KIAA0825: variants seen among roughly 807,000 people sequenced by gnomAD.
KIAA0825 encodes the protein uncharacterized protein KIAA0825.
A neutral mutation model predicts 147.6 loss-of-function variants in KIAA0825; 119 were observed. The ratio of observed to expected loss-of-function variants is 0.81; its 90% CI spans 0.69 to 0.94. The LOEUF is 0.94. KIAA0825 is among the 40% of genes least tolerant of loss of function. KIAA0825 has a pLI of 0.00. For missense variants in KIAA0825, 1,381 were observed against 1,472.7 expected, an observed-to-expected ratio of 0.94 and a Z score of 1.02; for synonymous variants, 470 against 518.1, an observed-to-expected ratio of 0.91 and a Z score of 1.26.
chr5:94,537,664 A>AC (rs201660624), intron 2 of KIAA0825, among the ~76,000 whole-genome samples: 1,795 of 151,496 alleles, frequency 0.012, 30 homozygotes, highest in African/African-American at 0.032. Flanking sequence ...AAAAAAAAAA[A>AC]AAAGAAAGCT....
chr5:94,509,565 G>A (rs561814446), intron 5 of KIAA0825, among the ~76,000 whole-genome samples: 2 of 152,228 alleles, frequency 1.3e-5, no homozygotes, highest in African/African-American at 4.8e-5. Flanking sequence ...TCCAAAACTT[G>A]CATATATTTA....
intron 3 of KIAA0825, among the ~76,000 whole-genome samples, chr5:94,533,010 GCT>G (rs1265160883): frequency 6.8e-6 from 1 of 146,244 alleles, no homozygotes; most frequent in African/African-American, 2.5e-5. Flanking sequence ...ACGGAGTCTC[GCT>G]CTGTCGCCCA....
intron 20 of KIAA0825, among the ~76,000 whole-genome samples, chr5:94,338,479 A>G (rs1782034000): frequency 6.6e-6 from 1 of 152,144 alleles, no homozygotes; most frequent in Non-Finnish European, 1.5e-5. Context: ...CACATGTGCC[A>G]CATAATGGTA....
chr5:94,473,339 C>G lies in KIAA0825; in HGVS notation c.1408G>C (p.Asp470His). ...NLVNVQQVWQ[D>H]SHMFPEEEQP... ...TCCTCCTCAGGAAACATATGGCTGT[C>G]TTGCCAAACTTGCTGGACATTTACA... is the stretch of plus-strand genomic sequence containing the variant. Residue 470 changes from aspartate to histidine, a missense_variant, in exon 8 of 21, where the codon GAC (aspartate) becomes CAC (histidine). Transcript: ENST00000682413. 1 of 1,551,776 alleles carries G rather than the reference C, an allele frequency of 6.4e-7. No homozygotes were observed. Among genetic ancestry groups the G allele is most frequent in the South Asian group, 1.2e-5 (1 of 84,056 alleles).
chr5:94,421,384 G>T (rs1433333384), intron 14 of KIAA0825, among the ~76,000 whole-genome samples: 1 of 152,190 alleles, frequency 6.6e-6, no homozygotes, highest in Non-Finnish European at 1.5e-5. Context: ...TGACTTGAAA[G>T]ATTCTTTTTA....
intron 1 of KIAA0825, among the ~76,000 whole-genome samples, chr5:94,596,251 T>C (rs1785289666): frequency 6.6e-6 from 1 of 152,190 alleles, no homozygotes; most frequent in Non-Finnish European, 1.5e-5. Flanking sequence ...TTTTAGTCGA[T>C]TTTTGTACAT....
At chr5:94,613,648 T>G (rs1234724372) in intron 1 of KIAA0825, among the ~76,000 whole-genome samples, 1 of 152,250 alleles carries the variant, frequency 6.6e-6, no homozygotes, top group Non-Finnish European at 1.5e-5. Context: ...CCATACTTTG[T>G]TGGCCCAGCC....
intron 5 of KIAA0825, among the ~76,000 whole-genome samples, chr5:94,496,959 T>G (rs1444602813): frequency 1.3e-5 from 2 of 152,214 alleles, no homozygotes; most frequent in African/African-American, 4.8e-5. Context: ...CATGTCTCAT[T>G]TGCTGGCTCT....
intron 20 of KIAA0825, among the ~76,000 whole-genome samples, chr5:94,242,736 C>T (rs1775414293): frequency 6.6e-6 from 1 of 152,120 alleles, no homozygotes; most frequent in Non-Finnish European, 1.5e-5. Flanking sequence ...AGTGATTCTT[C>T]TGCCTCAGCC....
intron 1 of KIAA0825, among the ~76,000 whole-genome samples, chr5:94,607,609 C>T (rs1561388016): frequency 6.6e-6 from 1 of 151,898 alleles, no homozygotes; most frequent in Admixed American, 6.6e-5. Flanking sequence ...TGTCCGTCTC[C>T]AAAACAAACA....
At chr5:94,218,879 G>A (rs1340425037) in intron 20 of KIAA0825, among the ~76,000 whole-genome samples, 4 of 148,594 alleles carry the variant, frequency 2.7e-5, no homozygotes, top group African/African-American at 4.8e-5. Context: ...ACAGATTTTT[G>A]TTGTTGTTGT....
chr5:94,212,248 C>T (rs946354992), intron 20 of KIAA0825, among the ~76,000 whole-genome samples: 1 of 152,022 alleles, frequency 6.6e-6, no homozygotes, highest in Non-Finnish European at 1.5e-5. Context: ...ATAAGCAAAA[C>T]GATCGAATTC....
intron 5 of KIAA0825, 21 bp downstream of exon 5, chr5:94,520,227 A>G (rs760435525): frequency 6.5e-7 from 1 of 1,545,912 alleles, no homozygotes; most frequent in South Asian, 1.3e-5. Context: ...AAACCAAACA[A>G]AAATTTTAAA....
At chr5:94,287,095 T>C (rs2150160880) in intron 20 of KIAA0825, among the ~76,000 whole-genome samples, 1 of 152,298 alleles carries the variant, frequency 6.6e-6, no homozygotes, top group East Asian at 1.9e-4. Flanking sequence ...TAATAATACC[T>C]GTACCTTGAA....
chr5:94,334,800 A>G (rs1366752864), intron 20 of KIAA0825, among the ~76,000 whole-genome samples: 2 of 152,152 alleles, frequency 1.3e-5, no homozygotes, highest in Non-Finnish European at 2.9e-5. Context: ...TACTTTTTAA[A>G]GTCTAGCTTT....
At chr5:94,604,609 A>T (rs1468535560) in intron 1 of KIAA0825, among the ~76,000 whole-genome samples, 1 of 152,164 alleles carries the variant, frequency 6.6e-6, no homozygotes, top group Non-Finnish European at 1.5e-5. Flanking sequence ...CAAAAATGAT[A>T]CAATTACATG....
At chr5:94,356,975 G>A (rs1390692460) in intron 20 of KIAA0825, among the ~76,000 whole-genome samples, 2 of 151,716 alleles carry the variant, frequency 1.3e-5, no homozygotes, top group Non-Finnish European at 2.9e-5. Flanking sequence ...CACCAGCCTC[G>A]GCCTCCCAAA....
chr5:94,496,994 C>T (rs982491579), intron 5 of KIAA0825, among the ~76,000 whole-genome samples: 7 of 152,184 alleles, frequency 4.6e-5, no homozygotes, highest in South Asian at 4.1e-4. Flanking sequence ...GCCTCTTGAA[C>T]GTGGCGCCTT....
At chr5:94,595,164 T>C (rs1421793388) in intron 1 of KIAA0825, among the ~76,000 whole-genome samples, 7 of 152,184 alleles carry the variant, frequency 4.6e-5, no homozygotes, top group Non-Finnish European at 7.4e-5. Flanking sequence ...GGGGACTCTG[T>C]GTGGGGGCTG....
Sources: gnomAD v4.1 joint callset for allele counts (sites outside exome capture counted in the v4.1 genomes callset) on GRCh38, gnomAD v4.1.1 for gene constraint, MANE v1.5 for transcripts, NCBI Gene and HGNC (gene_info 2026-07-23, HGNC 2026-07-21) for gene names.